KAZN: variants seen among roughly 807,000 people sequenced by gnomAD.
KAZN encodes the protein kazrin, periplakin interacting protein.
KAZN carries 40 observed loss-of-function variants against 87.4 expected under a neutral mutation model. The ratio of observed to expected loss-of-function variants is 0.46; its 90% CI spans 0.36 to 0.60. The LOEUF (loss-of-function observed/expected upper bound fraction) is 0.60, where lower values mean the gene tolerates loss of function less well. KAZN is among the 20% of genes least tolerant of loss of function. The pLI, the probability that KAZN is intolerant of heterozygous loss-of-function variation, is 0.00. For synonymous variants in KAZN, 466 were observed against 458.3 expected, an observed-to-expected ratio of 1.02 and a Z score of -0.22; for missense variants, 898 against 1,073.9, an observed-to-expected ratio of 0.84 and a Z score of 2.29.
intron 4 of KAZN, among the ~76,000 whole-genome samples, chr1:15,048,613 T>TGGGTCGTC (rs1557754203): frequency 2.9e-4 from 38 of 130,910 alleles, no homozygotes; most frequent in African/African-American, 1.3e-3. Flanking sequence ...CCTGGGTCGC[T>TGGGTCGTC]GGTCCTGGGT....
intron 1 of KAZN, among the ~76,000 whole-genome samples, chr1:14,001,086 T>C (rs1359517944): frequency 6.6e-6 from 1 of 152,146 alleles, no homozygotes; most frequent in East Asian, 1.9e-4. Context: ...CCGGCCGACA[T>C]GATTTTATAT....
intron 1 of KAZN, among the ~76,000 whole-genome samples, chr1:14,844,994 T>A (rs1191735994): frequency 1.3e-5 from 2 of 151,770 alleles, no homozygotes; most frequent in East Asian, 3.9e-4. Context: ...GATGGATGAA[T>A]GAATAAATGA....
intron 2 of KAZN, among the ~76,000 whole-genome samples, chr1:14,287,940 G>A (rs1653382635): frequency 1.3e-5 from 2 of 151,854 alleles, no homozygotes; most frequent in African/African-American, 4.8e-5. Context: ...AGATAATCAT[G>A]TGGTTTTTGT....
At position 15,114,630 on chromosome 1, in the gene KAZN, G is replaced by A. The variant is rs762709304; in HGVS notation, c.2323G>A (p.Val775Met). Reference sequence around the variant, plus strand: ...CTACAACAGCCTGGAGGTCACCAACGTGTAAGGAACTGGTGGCTCCACCAG... The same window carrying A: ...CTACAACAGCCTGGAGGTCACCAACATGTAAGGAACTGGTGGCTCCACCAG... ...EGYNSLEVTNV is the reference protein window; with the variant it reads ...EGYNSLEVTNM Residue 775 changes from valine to methionine, a missense_variant, in exon 15 of 15, where the codon GTG becomes ATG. Physicochemically the swap from Val to Met is conservative, Grantham distance 21. This residue lies in a region of KAZN where 127 missense variants were observed against 121.5 expected (regional missense o/e 1.04). Coordinates refer to ENST00000376030, the MANE Select transcript of KAZN (RefSeq NM_201628.3). 1.0e-5 allele frequency: 16 copies of A among 1,581,546 alleles called. No homozygotes were observed. The highest frequency in any genetic ancestry group is 4.6e-5 in the East Asian group (2 of 43,138).
At chr1:14,634,716 G>A in intron 1 of KAZN, among the ~76,000 whole-genome samples, 1 of 152,164 alleles carries the variant, frequency 6.6e-6, no homozygotes, top group Non-Finnish European at 1.5e-5. Context: ...CTTTGGAGAG[G>A]CTCCTGAGGG....
intron 2 of KAZN, among the ~76,000 whole-genome samples, chr1:14,245,922 A>G (rs1318169270): frequency 6.6e-6 from 1 of 152,240 alleles, no homozygotes; most frequent in African/African-American, 2.4e-5. Context: ...AAGATATGGA[A>G]TCAACCCAAA....
At chr1:14,631,554 C>CAGGA (rs1168735846) in intron 1 of KAZN, among the ~76,000 whole-genome samples, 34 of 152,334 alleles carry the variant, frequency 2.2e-4, no homozygotes, top group East Asian at 1.2e-3. Flanking sequence ...TACCTCTCAC[C>CAGGA]CCAGGGCCTG....
chr1:14,306,617 A>G (rs1654948682), intron 2 of KAZN, among the ~76,000 whole-genome samples: 1 of 152,184 alleles, frequency 6.6e-6, no homozygotes, highest in African/African-American at 2.4e-5. Flanking sequence ...GAAAGGCAAT[A>G]CCTTCTGCTC....
At chr1:14,174,704 T>A (rs12563616) in intron 1 of KAZN, among the ~76,000 whole-genome samples, 18,729 of 152,242 alleles carry the variant, frequency 0.12, 1,274 homozygotes, top group East Asian at 0.33. Flanking sequence ...TCAATTATAA[T>A]CAGAACAATT....
intron 2 of KAZN, among the ~76,000 whole-genome samples, chr1:14,988,741 G>T (rs1208827890): frequency 6.6e-6 from 1 of 152,124 alleles, no homozygotes; most frequent in African/African-American, 2.4e-5. Flanking sequence ...GGCCTGGGTG[G>T]CAGTCAGATG....
chr1:15,034,414 G>A (rs952232582), intron 2 of KAZN, among the ~76,000 whole-genome samples: 3 of 152,232 alleles, frequency 2.0e-5, no homozygotes, highest in Non-Finnish European at 4.4e-5. Context: ...CGATTCCTGA[G>A]CCATGGGCCC....
chr1:14,603,179 C>T (rs977799894), intron 1 of KAZN, among the ~76,000 whole-genome samples: 3 of 152,238 alleles, frequency 2.0e-5, no homozygotes, highest in Non-Finnish European at 2.9e-5. Context: ...TTGGCATCCC[C>T]TTCTCAATTC....
At chr1:14,865,071 T>A (rs115074288) in intron 1 of KAZN, among the ~76,000 whole-genome samples, 1 of 151,996 alleles carries the variant, frequency 6.6e-6, no homozygotes. Flanking sequence ...CCAAAATGGA[T>A]TGGAATGTGT....
At chr1:14,467,171 A>G (rs1011821867) in intron 2 of KAZN, among the ~76,000 whole-genome samples, 2 of 152,212 alleles carry the variant, frequency 1.3e-5, no homozygotes, top group Non-Finnish European at 2.9e-5. Flanking sequence ...TATGACATTA[A>G]CAGCACAAAA....
rs565221895 is a variant in KAZN, at chr1:14,681,609, A to ATG, written c.226+82390_226+82391dup. ...CCATTTTAACTATATATATATGTAT[A>ATG]TGTGTATATATATATATATATATAT... On this transcript the variant is annotated intron_variant, in intron 1 of 14. Coordinates refer to ENST00000376030, the MANE Select transcript of KAZN (RefSeq NM_201628.3). 5.5e-3 allele frequency among the ~76,000 whole-genome samples: 372 copies of ATG among 67,336 alleles called. 3 individuals are homozygous for ATG. The highest frequency in any genetic ancestry group is 9.8e-3 in the Middle Eastern group (1 of 102). 44.2% of individuals were successfully genotyped at this position (67,336 alleles called of 152,430 possible).
intron 1 of KAZN, among the ~76,000 whole-genome samples, chr1:14,799,174 G>A (rs773758762): frequency 3.3e-5 from 5 of 152,158 alleles, no homozygotes; most frequent in Non-Finnish European, 5.9e-5. Flanking sequence ...TTGTTACTGC[G>A]GTATAACCTA....
At chr1:14,415,683 T>G (rs1664692085) in intron 2 of KAZN, among the ~76,000 whole-genome samples, 1 of 152,212 alleles carries the variant, frequency 6.6e-6, no homozygotes, top group South Asian at 2.1e-4. Flanking sequence ...TGCTGTGTTG[T>G]GCAGTTTCCT....
At chr1:14,322,058 A>G (rs17399728) in intron 2 of KAZN, among the ~76,000 whole-genome samples, 1 of 152,100 alleles carries the variant, frequency 6.6e-6, no homozygotes, top group Non-Finnish European at 1.5e-5. Context: ...TCAGGACTTA[A>G]TTTTTGAAGC....
intron 1 of KAZN, among the ~76,000 whole-genome samples, chr1:14,622,991 T>A (rs141559768): frequency 4.8e-4 from 73 of 152,204 alleles, no homozygotes; most frequent in African/African-American, 1.6e-3. Flanking sequence ...GAAAAGAGAA[T>A]GCTTATACAC....
Sources: allele counts gnomAD v4.1 joint callset (sites outside exome capture counted in the v4.1 genomes callset), GRCh38; gene constraint gnomAD v4.1.1; regional missense constraint gnomAD v4.1.1; transcripts MANE v1.5; gene names NCBI Gene and HGNC (gene_info 2026-07-23, HGNC 2026-07-21).